The following AUTS2 variants were observed in gnomAD, a reference collection of about 807,000 sequenced individuals.
The protein encoded by AUTS2 is autism susceptibility gene 2 protein.
AUTS2 carries 17 observed loss-of-function variants against 112.4 expected under a neutral mutation model. That is an observed-to-expected ratio of 0.15 (90% CI 0.10 to 0.23). The LOEUF (loss-of-function observed/expected upper bound fraction) is 0.23. Ranked by LOEUF, AUTS2 falls within the 10% of genes least tolerant of loss-of-function variation. The pLI is 1.00. For missense variants in AUTS2, 1,510 were observed against 1,701.6 expected (o/e 0.89, Z 1.98); for synonymous variants, 751 against 702.7 (o/e 1.07, Z -1.09).
At chr7:70,731,279 T>C (rs1787368051) in intron 6 of AUTS2, among the ~76,000 whole-genome samples, 1 of 152,070 alleles carries the variant, frequency 6.6e-6, no homozygotes, top group African/African-American at 2.4e-5. Flanking sequence ...ATTTCACCTT[T>C]TAGTGAGTAT....
At chr7:69,613,386 A>G (rs2049401832) in intron 1 of AUTS2, among the ~76,000 whole-genome samples, 1 of 152,180 alleles carries the variant, frequency 6.6e-6, no homozygotes, top group African/African-American at 2.4e-5. Context: ...CACTCATACA[A>G]TATATCTGTA....
At chr7:70,768,960 T>C (rs1277054121) in intron 10 of AUTS2, among the ~76,000 whole-genome samples, 1 of 151,464 alleles carries the variant, frequency 6.6e-6, no homozygotes, top group African/African-American at 2.4e-5. Flanking sequence ...TACTCAACTG[T>C]TCTTGCTTAG....
chr7:70,017,234 A>G (rs1800069222), intron 2 of AUTS2, among the ~76,000 whole-genome samples: 2 of 152,140 alleles, frequency 1.3e-5, no homozygotes, highest in South Asian at 4.1e-4. Context: ...GTGAATGCAC[A>G]TTTTTCTTTG....
intron 4 of AUTS2, among the ~76,000 whole-genome samples, chr7:70,244,282 A>G (rs1007123918): frequency 6.6e-6 from 1 of 152,178 alleles, no homozygotes; most frequent in Non-Finnish European, 1.5e-5. Context: ...GTTCACTTAA[A>G]CTAATAATTT....
At chr7:70,012,951 T>C (rs1376894352) in intron 2 of AUTS2, among the ~76,000 whole-genome samples, 1 of 152,202 alleles carries the variant, frequency 6.6e-6, no homozygotes, top group African/African-American at 2.4e-5. Flanking sequence ...TGCATGTATG[T>C]GTGTTTTGGG....
chr7:70,529,042 C>T (rs1799971988), intron 5 of AUTS2, among the ~76,000 whole-genome samples: 1 of 152,172 alleles, frequency 6.6e-6, no homozygotes, highest in Non-Finnish European at 1.5e-5. Context: ...TGCCTCAGAA[C>T]AGCAGTTGGT....
intron 6 of AUTS2, among the ~76,000 whole-genome samples, chr7:70,719,311 G>A (rs529300573): frequency 1.3e-5 from 2 of 152,292 alleles, no homozygotes; most frequent in South Asian, 4.1e-4. Context: ...GTAAACAAGA[G>A]TATCGCCTTC....
intron 4 of AUTS2, among the ~76,000 whole-genome samples, chr7:70,209,462 T>A (rs975325630): frequency 6.6e-6 from 1 of 152,116 alleles, no homozygotes; most frequent in African/African-American, 2.4e-5. Flanking sequence ...GAGGTATAAA[T>A]GTGAAAACCA....
chr7:70,022,900 G>A (rs948789608), intron 2 of AUTS2, among the ~76,000 whole-genome samples: 2 of 151,908 alleles, frequency 1.3e-5, no homozygotes, highest in Non-Finnish European at 2.9e-5. Flanking sequence ...CGCCCAGGCC[G>A]GAGTGCAGTG....
chr7:70,434,299 G>T (rs1795800390), intron 4 of AUTS2, among the ~76,000 whole-genome samples: 1 of 152,160 alleles, frequency 6.6e-6, no homozygotes, highest in Non-Finnish European at 1.5e-5. Context: ...AAAATACCTG[G>T]CATTTTTAAC....
intron 2 of AUTS2, among the ~76,000 whole-genome samples, chr7:69,936,892 C>G (rs1486327289): frequency 6.6e-6 from 1 of 152,076 alleles, no homozygotes; most frequent in Non-Finnish European, 1.5e-5. Flanking sequence ...TTTTTCTCTC[C>G]CTTTTCTTTC....
intron 4 of AUTS2, among the ~76,000 whole-genome samples, chr7:70,193,392 A>C (rs183951026): frequency 1.3e-5 from 2 of 152,360 alleles, no homozygotes; most frequent in East Asian, 3.9e-4. Flanking sequence ...GCTAGAAGCT[A>C]AAACTGAGTA....
chr7:69,980,149 C>T (rs953284691), intron 2 of AUTS2, among the ~76,000 whole-genome samples: 1 of 152,132 alleles, frequency 6.6e-6, no homozygotes, highest in African/African-American at 2.4e-5. Flanking sequence ...CACTCTGTCG[C>T]CCAGGCTGGA....
At chr7:70,487,231 G>C (rs574224645) in intron 5 of AUTS2, among the ~76,000 whole-genome samples, 2 of 151,606 alleles carry the variant, frequency 1.3e-5, no homozygotes, top group African/African-American at 2.4e-5. Flanking sequence ...CCTCCCCCGC[G>C]CCCCCCTCCC....
chr7:69,730,715 A>G (rs1346768198), intron 1 of AUTS2, among the ~76,000 whole-genome samples: 1 of 152,198 alleles, frequency 6.6e-6, no homozygotes, highest in Non-Finnish European at 1.5e-5. Flanking sequence ...AAAATACCAA[A>G]TAGCTGTAAC....
chr7:70,362,196 C>T (rs1401437543), intron 4 of AUTS2, among the ~76,000 whole-genome samples: 1 of 152,084 alleles, frequency 6.6e-6, no homozygotes, highest in Non-Finnish European at 1.5e-5. Flanking sequence ...ACATGGATGA[C>T]AATTAGGGCT....
intron 1 of AUTS2, among the ~76,000 whole-genome samples, chr7:69,641,796 T>G (rs908563289): frequency 1.3e-5 from 2 of 152,242 alleles, no homozygotes; most frequent in South Asian, 2.1e-4. Flanking sequence ...TTTTCTTATA[T>G]TCTGCATTTC....
At chr7:70,437,207 G>C (rs952201250) in intron 5 of AUTS2, 6 of 152,256 alleles carry the variant, frequency 3.9e-5, no homozygotes, top group Non-Finnish European at 7.3e-5. Flanking sequence ...TTATTCTTTT[G>C]TTTAACTGAC....
intron 6 of AUTS2, among the ~76,000 whole-genome samples, chr7:70,700,627 G>C (rs1158626465): frequency 3.9e-5 from 6 of 152,142 alleles, no homozygotes; most frequent in African/African-American, 1.4e-4. Flanking sequence ...GGAAAGCATC[G>C]GGGACAGTTT....
Sources: allele counts gnomAD v4.1 joint callset (sites outside exome capture counted in the v4.1 genomes callset), GRCh38; gene constraint gnomAD v4.1.1; transcripts MANE v1.5; gene names NCBI Gene and HGNC (gene_info 2026-07-23, HGNC 2026-07-21).